ITGA9: variants seen among roughly 807,000 people sequenced by gnomAD.
ITGA9 encodes integrin subunit alpha 9, also known as integrin alpha-9.
ITGA9 carries 56 observed loss-of-function variants against 127.8 expected under a neutral mutation model. The ratio of observed to expected loss-of-function variants is 0.44; its 90% CI spans 0.35 to 0.55. The LOEUF (loss-of-function observed/expected upper bound fraction) is 0.55. Among genes scored for constraint, ITGA9 ranks in the 20% least tolerant of loss-of-function variants. The pLI is 0.00. For synonymous variants in ITGA9, 508 were observed against 514.5 expected, an observed-to-expected ratio of 0.99 and a Z score of 0.17; for missense variants, 1,196 against 1,347.1, an observed-to-expected ratio of 0.89 and a Z score of 1.76.
chr3:37,552,129 A>G (rs1432502510), intron 15 of ITGA9, among the ~76,000 whole-genome samples: 1 of 152,210 alleles, frequency 6.6e-6, no homozygotes, highest in Non-Finnish European at 1.5e-5. Flanking sequence ...GCAGATCGCT[A>G]CAGCTGGATC....
chr3:37,577,479 G>T (rs1478632092), intron 15 of ITGA9, among the ~76,000 whole-genome samples: 1 of 152,182 alleles, frequency 6.6e-6, no homozygotes. Context: ...GCTGCTTCTG[G>T]TGTATCATCC....
intron 18 of ITGA9, among the ~76,000 whole-genome samples, chr3:37,699,946 T>A (rs1700927936): frequency 6.6e-6 from 1 of 152,228 alleles, no homozygotes; most frequent in South Asian, 2.1e-4. Flanking sequence ...TTTATCTTGC[T>A]TTTCTCTATA....
At chr3:37,768,518 A>G (rs1018708152) in intron 23 of ITGA9, among the ~76,000 whole-genome samples, 3 of 152,240 alleles carry the variant, frequency 2.0e-5, no homozygotes, top group Non-Finnish European at 4.4e-5. Flanking sequence ...CATTCAAAAC[A>G]TTCTCTGAGT....
intron 15 of ITGA9, among the ~76,000 whole-genome samples, chr3:37,623,103 A>C (rs1700142781): frequency 6.6e-6 from 1 of 152,124 alleles, no homozygotes; most frequent in African/African-American, 2.4e-5. Context: ...ATAAATTAAA[A>C]AGCAAACAAC....
intron 16 of ITGA9, among the ~76,000 whole-genome samples, chr3:37,631,776 G>A (rs554198026): frequency 4.6e-5 from 7 of 152,180 alleles, no homozygotes; most frequent in Non-Finnish European, 1.0e-4. Context: ...AGGGAGGTCA[G>A]TGAAATGTGA....
intron 15 of ITGA9, among the ~76,000 whole-genome samples, chr3:37,562,663 C>T (rs187991740): frequency 5.4e-4 from 83 of 152,312 alleles, no homozygotes; most frequent in African/African-American, 1.9e-3. Flanking sequence ...CTGGATTCTT[C>T]TGCCATTTTG....
At chr3:37,742,877 A>G (rs1447171000) in intron 21 of ITGA9, among the ~76,000 whole-genome samples, 2 of 152,096 alleles carry the variant, frequency 1.3e-5, no homozygotes, top group Non-Finnish European at 2.9e-5. Flanking sequence ...AAATTAGCAT[A>G]TTTTTGCCTC....
chr3:37,469,507 C>G (rs1698406316), intron 1 of ITGA9, among the ~76,000 whole-genome samples: 1 of 152,188 alleles, frequency 6.6e-6, no homozygotes, highest in African/African-American at 2.4e-5. Flanking sequence ...ACAGTTATCA[C>G]AAATTTGTAT....
At chr3:37,771,971 G>A (rs1057121386) in intron 23 of ITGA9, among the ~76,000 whole-genome samples, 6 of 152,282 alleles carry the variant, frequency 3.9e-5, no homozygotes, top group African/African-American at 1.4e-4. Context: ...CCACCTAAGA[G>A]GTAGTGCAGG....
intron 15 of ITGA9, among the ~76,000 whole-genome samples, chr3:37,627,016 C>T (rs1575172506): frequency 1.3e-5 from 2 of 152,152 alleles, no homozygotes; most frequent in Admixed American, 6.5e-5. Flanking sequence ...GCAGAGTCAG[C>T]GGGCAGGGAG....
intron 15 of ITGA9, among the ~76,000 whole-genome samples, chr3:37,551,771 A>C (rs1263852737): frequency 6.6e-6 from 1 of 151,396 alleles, no homozygotes; most frequent in African/African-American, 2.4e-5. Context: ...AGACCTCCCC[A>C]CCTCCCGGAC....
chr3:37,744,401 T>G (rs1221073559), intron 22 of ITGA9, among the ~76,000 whole-genome samples: 1 of 152,214 alleles, frequency 6.6e-6, no homozygotes, highest in Non-Finnish European at 1.5e-5. Context: ...CTCAGAGGAT[T>G]TGCTGTGTCC....
At chr3:37,783,654 T>C (rs1316491447) in intron 25 of ITGA9, among the ~76,000 whole-genome samples, 4 of 152,210 alleles carry the variant, frequency 2.6e-5, no homozygotes. Context: ...ATTATTATTA[T>C]TCAAGATTGA....
chr3:37,771,654 T>G (rs1559593761), intron 23 of ITGA9, among the ~76,000 whole-genome samples: 2 of 152,186 alleles, frequency 1.3e-5, no homozygotes, highest in Non-Finnish European at 2.9e-5. Flanking sequence ...ATCTGTCAGC[T>G]GAGGCCACAA....
At chr3:37,500,191 C>T (rs945542646) in intron 5 of ITGA9, among the ~76,000 whole-genome samples, 1 of 152,200 alleles carries the variant, frequency 6.6e-6, no homozygotes, top group East Asian at 1.9e-4. Flanking sequence ...CTTTCTAGAA[C>T]TAGCGTGGTC....
At chr3:37,757,860 A>T (rs1696672863) in intron 23 of ITGA9, among the ~76,000 whole-genome samples, 1 of 151,830 alleles carries the variant, frequency 6.6e-6, no homozygotes, top group South Asian at 2.1e-4. Flanking sequence ...GATAATTCTT[A>T]TGTTAATATA....
intron 23 of ITGA9, among the ~76,000 whole-genome samples, chr3:37,755,941 ATAAT>A (rs1307336061): frequency 6.6e-6 from 1 of 152,192 alleles, no homozygotes; most frequent in Non-Finnish European, 1.5e-5. Flanking sequence ...AATTTAAAAC[ATAAT>A]TAAATTCAAA....
intron 16 of ITGA9, among the ~76,000 whole-genome samples, chr3:37,641,399 G>C (rs894138291): frequency 2.0e-5 from 3 of 152,176 alleles, no homozygotes; most frequent in African/African-American, 7.2e-5. Context: ...CAGGCTCTCA[G>C]ATGAACCTCT....
chr3:37,793,785 T>C (rs1404619698), intron 26 of ITGA9, among the ~76,000 whole-genome samples: 1 of 152,084 alleles, frequency 6.6e-6, no homozygotes, highest in African/African-American at 2.4e-5. Context: ...GACCTCGGAG[T>C]TGGTCCTGCC....
Sources: allele counts gnomAD v4.1 joint callset (sites outside exome capture counted in the v4.1 genomes callset), GRCh38; gene constraint gnomAD v4.1.1; transcripts MANE v1.5; gene names NCBI Gene and HGNC (gene_info 2026-07-23, HGNC 2026-07-21).